The following MED13L variants were observed in gnomAD, a reference collection of about 807,000 sequenced individuals.
MED13L encodes mediator complex subunit 13L.
A neutral mutation model predicts 220.9 loss-of-function variants in MED13L; 7 were observed. That is an observed-to-expected ratio of 0.03 (90% confidence interval 0.02 to 0.06). MED13L has a LOEUF of 0.06. MED13L is among the 10% of genes least tolerant of loss of function. MED13L has a pLI of 1.00. For missense variants in MED13L, 1,965 were observed against 2,760.5 expected (o/e 0.71, Z 6.46); for synonymous variants, 1,011 against 1,015.2 (o/e 1.00, Z 0.08).
intron 17 of MED13L, among the ~76,000 whole-genome samples, chr12:115,988,832 TGTCC>T (rs1297046784): frequency 1.8e-4 from 28 of 152,220 alleles, no homozygotes; most frequent in African/African-American, 6.3e-4. Flanking sequence ...ACTGCTTTTC[TGTCC>T]GAAGGCCTAT....
In MED13L at chr12:115,991,698, G is replaced by A. The variant is rs1878072218; in HGVS notation, c.3256C>T (p.Pro1086Ser). 1 of 1,613,958 alleles carries A rather than the reference G, an allele frequency of 6.2e-7. No individual in the cohort carries two copies. The highest frequency in any genetic ancestry group is 8.5e-7 in the Non-Finnish European group (1 of 1,179,948). ...GAGTTGAGGGGCCGTGTAGTAGAGG[G>A]GGTGGAGGCTGGTGATCCTTGATCG... Reference protein sequence around the residue: ...STDQGSPASTPSTTRPLNSVE... With the variant: ...STDQGSPASTSSTTRPLNSVE... The change falls in exon 17 of 31, where the codon CCC (proline) becomes TCC (serine). Residue 1086 changes from proline to serine, a missense_variant. By Grantham distance (74) the Pro-to-Ser change is moderately conservative. Coordinates refer to ENST00000281928, the MANE Select transcript of MED13L (RefSeq NM_015335.5). The surrounding 1 kb of genome is among the most constrained non-coding windows in gnomAD (Gnocchi z 7.7).
At chr12:116,116,615 G>A (rs1874543196) in intron 2 of MED13L, among the ~76,000 whole-genome samples, 1 of 151,974 alleles carries the variant, frequency 6.6e-6, no homozygotes, top group East Asian at 2.0e-4. Flanking sequence ...CAGATTTATA[G>A]CCAATTGGTC....
At chr12:116,114,687 C>T (rs1057038887) in intron 2 of MED13L, among the ~76,000 whole-genome samples, 5 of 152,072 alleles carry the variant, frequency 3.3e-5, no homozygotes, top group Admixed American at 6.6e-5. Context: ...ACATATGACA[C>T]GACTGTCTAT....
chr12:116,082,696 A>C (rs983097491), intron 4 of MED13L: 5 of 152,172 alleles, frequency 3.3e-5, no homozygotes, highest in African/African-American at 1.2e-4. Context: ...AAAAGAAAAA[A>C]AAAAGAACTC....
chr12:116,216,909 C>T lies in MED13L; in HGVS notation c.310+20559G>A, dbSNP rs559500442. Among the ~76,000 whole-genome samples, 109 of 152,230 alleles carry T rather than the reference C, an allele frequency of 7.2e-4. 5 individuals are homozygous for T. The South Asian group carries it at 0.021, about 29-fold the overall frequency. On this transcript the variant is annotated intron_variant, in intron 2 of 30. Transcript: ENST00000281928. ...TCCCATATCAATGTACAAAAATACCCGACAGTAATATATGGCAGCAAAGTT... is the reference window on the plus strand; with the variant it reads ...TCCCATATCAATGTACAAAAATACCTGACAGTAATATATGGCAGCAAAGTT...
At chr12:115,980,466 G>A (rs1024367856) in intron 23 of MED13L, 19 of 410,986 alleles carry the variant, frequency 4.6e-5, no homozygotes, top group African/African-American at 2.0e-4. Flanking sequence ...CAGGACTACC[G>A]GCACACATCA....
At chr12:116,051,202 C>T (rs968829381) in intron 4 of MED13L, among the ~76,000 whole-genome samples, 4 of 151,092 alleles carry the variant, frequency 2.6e-5, no homozygotes, top group Non-Finnish European at 5.9e-5. Context: ...AAACATTTTT[C>T]AAAGATAAAA....
chr12:115,974,357 A>T (rs1302471288), intron 25 of MED13L, among the ~76,000 whole-genome samples: 1 of 152,186 alleles, frequency 6.6e-6, no homozygotes, highest in Non-Finnish European at 1.5e-5. Flanking sequence ...GATCTTAGGG[A>T]AAAAACTTCT....
At chr12:116,218,508 T>A (rs979947918) in intron 2 of MED13L, among the ~76,000 whole-genome samples, 1 of 152,156 alleles carries the variant, frequency 6.6e-6, no homozygotes, top group Non-Finnish European at 1.5e-5. Context: ...CAGTACTCTA[T>A]GTACTTTCTG....
chr12:116,005,726 T>C (rs1283282873), intron 13 of MED13L, 143 bp downstream of exon 13: 7 of 1,091,262 alleles, frequency 6.4e-6, no homozygotes, highest in Non-Finnish European at 9.6e-6. Flanking sequence ...GATTCCAGTA[T>C]ACAGACATTT....
intron 3 of MED13L, among the ~76,000 whole-genome samples, chr12:116,097,873 C>T (rs1406756093): frequency 2.6e-5 from 4 of 152,208 alleles, no homozygotes; most frequent in African/African-American, 7.2e-5. Context: ...CATGTGCAGG[C>T]AAATGACAAC....
chr12:116,225,539 C>G (rs1194956123), intron 2 of MED13L, among the ~76,000 whole-genome samples: 6 of 152,206 alleles, frequency 3.9e-5, no homozygotes, highest in African/African-American at 1.4e-4. Flanking sequence ...CCAAGGCAAG[C>G]AACCTTTTCG....
chr12:116,159,311 C>G (rs912795126), intron 2 of MED13L, among the ~76,000 whole-genome samples: 1 of 152,102 alleles, frequency 6.6e-6, no homozygotes, highest in Non-Finnish European at 1.5e-5. Flanking sequence ...AAAACTGTTT[C>G]AATAGAAGTG....
chr12:116,015,365 T>C (rs1183844034), intron 7 of MED13L, 91 bp from the exon 8 acceptor site: 1 of 1,386,126 alleles, frequency 7.2e-7, no homozygotes, highest in Non-Finnish European at 1.0e-6. Context: ...ATATGCATTT[T>C]AATTGTTGAA....
At chr12:116,047,197 A>G (rs1881890293) in intron 4 of MED13L, among the ~76,000 whole-genome samples, 1 of 152,062 alleles carries the variant, frequency 6.6e-6, no homozygotes, top group African/African-American at 2.4e-5. Flanking sequence ...AAAAAGAAAA[A>G]TAAAAAATTG....
chr12:116,150,334 G>A (rs150930074), intron 2 of MED13L, among the ~76,000 whole-genome samples: 1 of 152,184 alleles, frequency 6.6e-6, no homozygotes, highest in Non-Finnish European at 1.5e-5. Flanking sequence ...GCTTATCAAC[G>A]TACTCAAATT....
At chr12:116,002,438 C>T (rs1878803510) in intron 14 of MED13L, among the ~76,000 whole-genome samples, 1 of 151,864 alleles carries the variant, frequency 6.6e-6, no homozygotes, top group Admixed American at 6.6e-5. Flanking sequence ...ATAAGCTACC[C>T]TTTTTTTTCC....
At chr12:115,998,120 C>G (rs905467521) in intron 14 of MED13L, among the ~76,000 whole-genome samples, 13 of 152,016 alleles carry the variant, frequency 8.6e-5, no homozygotes, top group Non-Finnish European at 1.3e-4. Flanking sequence ...GTTCTGAACT[C>G]CTTCTTTAAA....
intron 14 of MED13L, among the ~76,000 whole-genome samples, chr12:116,002,300 C>T (rs944986812): frequency 1.3e-5 from 2 of 152,172 alleles, no homozygotes; most frequent in Non-Finnish European, 2.9e-5. Context: ...GTTCATAAAG[C>T]TTTTTGACTC....
Sources: allele counts gnomAD v4.1 joint callset (sites outside exome capture counted in the v4.1 genomes callset), GRCh38; gene constraint gnomAD v4.1.1; non-coding constraint Gnocchi (gnomAD v3.1); transcripts MANE v1.5; gene names NCBI Gene and HGNC (gene_info 2026-07-23, HGNC 2026-07-21).